The following NSMCE2 variants were observed in gnomAD, a reference collection of about 807,000 sequenced individuals.
NSMCE2 encodes NSE2 SUMO ligase component of SMC5/6 complex.
A neutral mutation model predicts 23.8 loss-of-function variants in NSMCE2; 24 were observed. The ratio of observed to expected loss-of-function variants is 1.01; its 90% CI spans 0.73 to 1.42. NSMCE2 has a LOEUF of 1.42. Ranked by LOEUF, NSMCE2 falls within the 40% of genes most tolerant of loss-of-function variation. NSMCE2 has a pLI of 0.00. For synonymous variants in NSMCE2, 92 were observed against 94.1 expected, an observed-to-expected ratio of 0.98 and a Z score of 0.13; for missense variants, 284 against 296.5, an observed-to-expected ratio of 0.96 and a Z score of 0.31.
intron 5 of NSMCE2, among the ~76,000 whole-genome samples, chr8:125,269,336 TC>T (rs1827080040): frequency 6.6e-6 from 1 of 152,204 alleles, no homozygotes; most frequent in Admixed American, 6.5e-5. Flanking sequence ...ATCACCTTCC[TC>T]CGCCTCCCAA....
intron 3 of NSMCE2, among the ~76,000 whole-genome samples, chr8:125,107,139 T>C (rs564834434): frequency 3.3e-5 from 5 of 152,006 alleles, no homozygotes; most frequent in Non-Finnish European, 7.4e-5. Context: ...TGAATAACCA[T>C]AGTTTGTCTG....
intron 5 of NSMCE2, among the ~76,000 whole-genome samples, chr8:125,211,648 C>T (rs898388760): frequency 6.6e-6 from 1 of 152,102 alleles, no homozygotes; most frequent in Non-Finnish European, 1.5e-5. Context: ...TAGATTTTTA[C>T]TATGAAAGAC....
At chr8:125,137,080 C>CATGAAAAAAAAAAAA (rs1554607175) in intron 3 of NSMCE2, among the ~76,000 whole-genome samples, 1 of 149,394 alleles carries the variant, frequency 6.7e-6, no homozygotes, top group Non-Finnish European at 1.5e-5. Flanking sequence ...TTCATGAAAT[C>CATGAAAAAAAAAAAA]AAAATTTTTT....
intron 5 of NSMCE2, among the ~76,000 whole-genome samples, chr8:125,328,127 A>G (rs1413398373): frequency 6.7e-6 from 1 of 150,366 alleles, no homozygotes; most frequent in Non-Finnish European, 1.5e-5. Flanking sequence ...AGAGGCAGGC[A>G]TCATCCAAAG....
intron 3 of NSMCE2, among the ~76,000 whole-genome samples, chr8:125,148,745 T>C (rs1820819018): frequency 6.6e-6 from 1 of 152,208 alleles, no homozygotes; most frequent in Non-Finnish European, 1.5e-5. Flanking sequence ...AACAATACTT[T>C]CCTTTAACTA....
At chr8:125,303,924 T>C (rs1206044848) in intron 5 of NSMCE2, among the ~76,000 whole-genome samples, 1 of 152,252 alleles carries the variant, frequency 6.6e-6, no homozygotes, top group East Asian at 1.9e-4. Context: ...TTGTGCTGGC[T>C]AAAGAAACAA....
chr8:125,239,691 A>G (rs2130974513), intron 5 of NSMCE2, among the ~76,000 whole-genome samples: 1 of 152,210 alleles, frequency 6.6e-6, no homozygotes, highest in Non-Finnish European at 1.5e-5. Flanking sequence ...TTAAAAAGAA[A>G]AATCATACCA....
At chr8:125,135,728 T>C (rs1431155953) in intron 3 of NSMCE2, among the ~76,000 whole-genome samples, 1 of 152,246 alleles carries the variant, frequency 6.6e-6, no homozygotes, top group Non-Finnish European at 1.5e-5. Context: ...TGTAGGTATA[T>C]ATCCATTTCT....
chr8:125,317,456 A>G (rs1397540498), intron 5 of NSMCE2, among the ~76,000 whole-genome samples: 1 of 152,116 alleles, frequency 6.6e-6, no homozygotes, highest in East Asian at 1.9e-4. Flanking sequence ...CTTGGCCTCC[A>G]TAAGTTCTGG....
intron 5 of NSMCE2, among the ~76,000 whole-genome samples, chr8:125,254,198 A>G (rs1487768801): frequency 2.0e-5 from 3 of 151,994 alleles, no homozygotes; most frequent in Non-Finnish European, 4.4e-5. Flanking sequence ...CTATTGAAAC[A>G]CTCTGTGTTT....
At chr8:125,220,613 G>A (rs2130914641) in intron 5 of NSMCE2, among the ~76,000 whole-genome samples, 1 of 149,824 alleles carries the variant, frequency 6.7e-6, no homozygotes, top group African/African-American at 2.5e-5. Context: ...GACTCTTTCA[G>A]AAGGATCTGG....
At chr8:125,267,800 C>G (rs766662124) in intron 5 of NSMCE2, among the ~76,000 whole-genome samples, 2 of 152,210 alleles carry the variant, frequency 1.3e-5, no homozygotes, top group African/African-American at 2.4e-5. Context: ...GGTACTTTAT[C>G]TAATAGGTCA....
At chr8:125,278,221 T>TA (rs1214771880) in intron 5 of NSMCE2, among the ~76,000 whole-genome samples, 3 of 152,254 alleles carry the variant, frequency 2.0e-5, no homozygotes, top group Admixed American at 6.5e-5. Flanking sequence ...AAAAAGGAGT[T>TA]AAGGGAATTT....
chr8:125,246,904 C>A (rs1435270287), intron 5 of NSMCE2, among the ~76,000 whole-genome samples: 1 of 151,764 alleles, frequency 6.6e-6, no homozygotes, highest in Non-Finnish European at 1.5e-5. Flanking sequence ...TTCTTTTTCT[C>A]TTGTGTGGTT....
intron 5 of NSMCE2, chr8:125,348,155 G>A (rs1011979450): frequency 1.3e-5 from 2 of 152,164 alleles, no homozygotes; most frequent in African/African-American, 4.8e-5. Context: ...TGCATGTCTA[G>A]CAGATAACAG....
At chr8:125,207,384 T>A (rs1034234902) in intron 5 of NSMCE2, among the ~76,000 whole-genome samples, 1 of 152,190 alleles carries the variant, frequency 6.6e-6, no homozygotes. Context: ...GATAATATTT[T>A]AAAAAATCAG....
chr8:125,160,132 T>C (rs972896409), intron 4 of NSMCE2, among the ~76,000 whole-genome samples: 1 of 152,122 alleles, frequency 6.6e-6, no homozygotes, highest in Non-Finnish European at 1.5e-5. Context: ...GAAAAGAGTC[T>C]TTGCTTAAAT....
chr8:125,249,170 CAAAA>C (rs757506151), intron 5 of NSMCE2, among the ~76,000 whole-genome samples: 1 of 112,840 alleles, frequency 8.9e-6, no homozygotes, highest in Non-Finnish European at 1.9e-5. Flanking sequence ...GACTCTGTCT[CAAAA>C]AAAAAAAAAA....
At chr8:125,265,285 G>A (rs1239353586) in intron 5 of NSMCE2, among the ~76,000 whole-genome samples, 2 of 150,960 alleles carry the variant, frequency 1.3e-5, no homozygotes, top group East Asian at 1.9e-4. Flanking sequence ...ACAACGGCAA[G>A]ATCTTGGCTC....
Sources: gnomAD v4.1 joint callset for allele counts (sites outside exome capture counted in the v4.1 genomes callset) on GRCh38, gnomAD v4.1.1 for gene constraint, MANE v1.5 for transcripts, NCBI Gene and HGNC (gene_info 2026-07-23, HGNC 2026-07-21) for gene names.